TLN2: variants seen among roughly 807,000 people sequenced by gnomAD.
The protein encoded by TLN2 is talin-2.
TLN2 carries 118 observed loss-of-function variants against 294.7 expected under a neutral mutation model. The ratio of observed to expected loss-of-function variants is 0.40; its 90% confidence interval spans 0.34 to 0.47. TLN2 has a LOEUF of 0.47. Ranked by LOEUF, TLN2 falls within the 20% of genes least tolerant of loss-of-function variation. The probability of loss-of-function intolerance (pLI) is 0.84; values close to 1 mark genes in which losing one functional copy is unlikely to be tolerated. For missense variants in TLN2, 3,083 were observed against 3,282.2 expected (o/e 0.94, Z 1.48); for synonymous variants, 1,431 against 1,304.5 (o/e 1.10, Z -2.09).
Position 62,707,262 on chromosome 15 carries a change from G to A in TLN2, c.2172+9G>A. 1.2e-6 allele frequency: 2 copies of A among 1,603,254 alleles called. No homozygotes were observed. The highest frequency in any genetic ancestry group is 1.7e-6 in the Non-Finnish European group (2 of 1,172,304). ...TTGTGGCATGTGCCAAGGTAAGCCA[G>A]CTGGCACCCCAGCCCTTTCTACCCA... On this transcript the variant is annotated intron_variant, in intron 20 of 58. Coordinates refer to ENST00000636159, the MANE Select transcript of TLN2 (RefSeq NM_015059.3).
intron 1 of TLN2, among the ~76,000 whole-genome samples, chr15:62,538,630 T>C (rs1407771024): frequency 6.6e-6 from 1 of 152,182 alleles, no homozygotes. Flanking sequence ...TTTAGTTTGA[T>C]TTCTGAATCT....
chr15:62,716,359 A>T lies in TLN2; in HGVS notation c.2663A>T (p.Asp888Val). Reference sequence around the variant, plus strand: ...GCTGCAGCCAACCCAGAGAATGAGGACCAGCAGCAAAGGCTGAGAGAAGCT... The same window carrying T: ...GCTGCAGCCAACCCAGAGAATGAGGTCCAGCAGCAAAGGCTGAGAGAAGCT... ...KGAAANPENE[D>V]QQQRLREAAE... Residue 888 changes from aspartate (D) to valine (V), a missense_variant, in exon 23 of 59, where the codon GAC (aspartate) becomes GTC (valine). By Grantham distance (152) the Asp-to-Val change is radical. Transcript: ENST00000636159. 6.2e-7 allele frequency: 1 copy of T among 1,609,430 alleles called. No individual in the cohort carries two copies. The highest frequency in any genetic ancestry group is 8.5e-7 in the Non-Finnish European group (1 of 1,178,094).
chr15:62,787,054 G>A lies in TLN2; in HGVS notation c.5736+3164G>A, dbSNP rs1463807. The stretch of plus-strand genomic sequence containing the variant: ...CAAGTAGCTGGGACTGCAGGTGTGC[G>A]CCACCATGCCTGGTTAATTTTTCTA... On this transcript the variant is annotated intron_variant, in intron 45 of 58. Transcript: ENST00000636159. 1.1e-3 allele frequency among the ~76,000 whole-genome samples: 167 copies of A among 151,882 alleles called. 3 individuals are homozygous for A. The East Asian group carries it at 0.03, about 27-fold the overall frequency.
intron 22 of TLN2, among the ~76,000 whole-genome samples, chr15:62,712,986 G>T (rs1207352981): frequency 3.6e-5 from 5 of 140,076 alleles, no homozygotes; most frequent in African/African-American, 1.6e-4. Context: ...ATTCATTAAG[G>T]CCAGGCACGG....
chr15:62,545,989 A>G (rs965232257), intron 1 of TLN2, among the ~76,000 whole-genome samples: 2 of 152,110 alleles, frequency 1.3e-5, no homozygotes, highest in African/African-American at 2.4e-5. Flanking sequence ...GGTTCTATGA[A>G]GCAGTAGAGC....
intron 10 of TLN2, 61 bp downstream of exon 10, chr15:62,673,951 G>T: frequency 7.3e-7 from 1 of 1,369,624 alleles, no homozygotes; most frequent in Non-Finnish European, 1.0e-6. Context: ...TTATTAGTGT[G>T]AGGGGGCCTC....
intron 1 of TLN2, among the ~76,000 whole-genome samples, chr15:62,478,492 C>T (rs1195997311): frequency 6.6e-6 from 1 of 152,016 alleles, no homozygotes; most frequent in Non-Finnish European, 1.5e-5. Context: ...CAGTCGTGAA[C>T]AGGGAAGAGA....
chr15:62,738,407 C>T, intron 30 of TLN2, 74 bp downstream of exon 30: 8 of 1,516,388 alleles, frequency 5.3e-6, no homozygotes, highest in Non-Finnish European at 7.1e-6. Context: ...GTCTTCTTCT[C>T]TCCATGAGAT....
intron 11 of TLN2, among the ~76,000 whole-genome samples, chr15:62,679,030 C>CTT (rs71131118): frequency 8.8e-4 from 116 of 132,416 alleles, no homozygotes; most frequent in Middle Eastern, 3.8e-3. Flanking sequence ...TATACCAAGT[C>CTT]TTTTTTTTTT....
chr15:62,721,282 A>G (rs2060132459), intron 25 of TLN2, among the ~76,000 whole-genome samples: 1 of 152,216 alleles, frequency 6.6e-6, no homozygotes, highest in Non-Finnish European at 1.5e-5. Context: ...ACTTAGCAGT[A>G]TATAGAGCAT....
intron 1 of TLN2, among the ~76,000 whole-genome samples, chr15:62,438,752 C>T (rs1322743626): frequency 2.0e-5 from 3 of 152,300 alleles, no homozygotes; most frequent in African/African-American, 7.2e-5. Flanking sequence ...CTTCACCCTG[C>T]CAAGTTCCCC....
chr15:62,612,808 G>A (rs113870014), intron 2 of TLN2, among the ~76,000 whole-genome samples: 3,191 of 152,240 alleles, frequency 0.021, 122 homozygotes, highest in African/African-American at 0.073. Flanking sequence ...TTTATGTTAC[G>A]TAGAAATGTA....
chr15:62,632,992 G>A (rs942454383), intron 3 of TLN2, among the ~76,000 whole-genome samples: 5 of 152,136 alleles, frequency 3.3e-5, no homozygotes, highest in Non-Finnish European at 5.9e-5. Context: ...AACAAACAAA[G>A]TATAATTCTG....
chr15:62,570,903 C>CTGTGTGTGTGTGTGTG (rs58523803), intron 1 of TLN2, among the ~76,000 whole-genome samples: 22 of 143,916 alleles, frequency 1.5e-4, no homozygotes, highest in African/African-American at 4.6e-4. Context: ...GCACAGGCAT[C>CTGTGTGTGTGTGTGTG]TGTGTGTGTG....
chr15:62,598,341 C>G (rs1215234136), intron 2 of TLN2, among the ~76,000 whole-genome samples: 1 of 152,176 alleles, frequency 6.6e-6, no homozygotes, highest in African/African-American at 2.4e-5. Flanking sequence ...TGGACACGTT[C>G]TTCCACAGAT....
chr15:62,648,875 C>T (rs1274898363), intron 4 of TLN2, among the ~76,000 whole-genome samples: 4 of 150,408 alleles, frequency 2.7e-5, no homozygotes, highest in African/African-American at 5.0e-5. Context: ...GACAGGGTCT[C>T]GCTCTGTCAC....
intron 1 of TLN2, among the ~76,000 whole-genome samples, chr15:62,521,415 A>G (rs1211762031): frequency 5.9e-5 from 9 of 152,208 alleles, no homozygotes; most frequent in Non-Finnish European, 1.3e-4. Flanking sequence ...CCTGGGAAAC[A>G]GTCTCAAGAG....
chr15:62,611,286 A>G (rs916705349), intron 2 of TLN2, among the ~76,000 whole-genome samples: 1 of 152,198 alleles, frequency 6.6e-6, no homozygotes, highest in Non-Finnish European at 1.5e-5. Context: ...CTACTGGTTT[A>G]TGGCAGTACC....
chr15:62,640,089 G>C (rs1231728905), intron 3 of TLN2: 3 of 450,170 alleles, frequency 6.7e-6, no homozygotes, highest in African/African-American at 6.0e-5. Flanking sequence ...GCGAGGTGGA[G>C]GGCAAGACCC....
Sources: gnomAD v4.1 joint callset for allele counts (sites outside exome capture counted in the v4.1 genomes callset) on GRCh38, gnomAD v4.1.1 for gene constraint, MANE v1.5 for transcripts, NCBI Gene and HGNC (gene_info 2026-07-23, HGNC 2026-07-21) for gene names.